The following PI4KA variants were observed in gnomAD, a reference collection of about 807,000 sequenced individuals.
PI4KA encodes the protein PI4-kinase alpha.
A neutral mutation model predicts 271.4 loss-of-function variants in PI4KA; 122 were observed. The ratio of observed to expected loss-of-function variants is 0.45; its 90% CI spans 0.39 to 0.52. PI4KA has a LOEUF of 0.52. Ranked by LOEUF, PI4KA falls within the 20% of genes least tolerant of loss-of-function variation. The probability of loss-of-function intolerance (pLI) is 0.00; values close to 1 mark genes in which losing one functional copy is unlikely to be tolerated. For missense variants in PI4KA, 1,969 were observed against 2,769.1 expected, an observed-to-expected ratio of 0.71 and a Z score of 6.48; for synonymous variants, 1,041 against 1,078.8, an observed-to-expected ratio of 0.96 and a Z score of 0.69.
At chr22:20,716,880 C>G (rs973581080) in intron 45 of PI4KA, among the ~76,000 whole-genome samples, 12 of 152,088 alleles carry the variant, frequency 7.9e-5, no homozygotes, top group Non-Finnish European at 1.3e-4. Flanking sequence ...GGGCACTCCA[C>G]AGCTGAGACC....
intron 2 of PI4KA, among the ~76,000 whole-genome samples, chr22:20,837,875 T>G (rs2147774415): frequency 6.6e-6 from 1 of 152,160 alleles, no homozygotes; most frequent in Middle Eastern, 3.4e-3. Flanking sequence ...TCCTAACACT[T>G]TGGGAGGCAG....
rs145214464 is a variant in PI4KA, at chr22:20,799,174, T to C, written c.1923A>G (p.Leu641=). The change falls in exon 16 of 55, where the codon CTA becomes CTG. Residue 641 remains leucine (L), a synonymous_variant. Coordinates refer to ENST00000255882, the MANE Select transcript of PI4KA (RefSeq NM_058004.4). The part of the protein sequence containing the change: ...PKVMEPILQI[L]QQKFCQPPSP... Reference sequence around the variant, plus strand: ...AGGGTGGCTGGCAGAATTTCTGCTGTAGGATCTGCAGAATGGGCTCCATGA... The same window carrying C: ...AGGGTGGCTGGCAGAATTTCTGCTGCAGGATCTGCAGAATGGGCTCCATGA... 4.3e-6 allele frequency: 7 copies of C among 1,609,372 alleles called. No homozygotes were observed. The African/African-American group carries it at 9.4e-5, about 22-fold the overall frequency.
chr22:20,747,832 T>C, intron 28 of PI4KA, 130 bp from the exon 29 acceptor site: 1 of 817,676 alleles, frequency 1.2e-6, no homozygotes. Context: ...CCTCTTAGAC[T>C]CAAGCCATCC....
chr22:20,853,277 G>A (rs975321452), intron 1 of PI4KA, among the ~76,000 whole-genome samples: 1 of 152,072 alleles, frequency 6.6e-6, no homozygotes, highest in Non-Finnish European at 1.5e-5. Context: ...AGGATCGAGG[G>A]CCCACTGGTT....
intron 42 of PI4KA, chr22:20,725,442 G>GT (rs1187257167): frequency 2.5e-6 from 1 of 394,990 alleles, no homozygotes; most frequent in Non-Finnish European, 5.3e-6. Flanking sequence ...GAATGGTACT[G>GT]TATTTGGAGA....
At chr22:20,769,947 G>A (rs963220367) in intron 19 of PI4KA, among the ~76,000 whole-genome samples, 2 of 152,322 alleles carry the variant, frequency 1.3e-5, no homozygotes, top group Admixed American at 6.5e-5. Flanking sequence ...GGGCAGAAGT[G>A]AGTGATGTCT....
intron 2 of PI4KA, among the ~76,000 whole-genome samples, chr22:20,837,779 T>G (rs996037633): frequency 1.7e-4 from 26 of 152,296 alleles, no homozygotes; most frequent in African/African-American, 6.3e-4. Context: ...ATTTTTTTGT[T>G]GGAGCTACAG....
intron 19 of PI4KA, chr22:20,780,081 G>A: frequency 6.2e-7 from 1 of 1,614,114 alleles, no homozygotes; most frequent in African/African-American, 1.3e-5. Context: ...CTCAGACCCT[G>A]CCTTCATATC....
rs753885175 is a variant in PI4KA at position 20,810,959 on chromosome 22, C to T, written c.1071+8G>A. On this transcript the variant is annotated splice_region_variant and intron_variant, in intron 9 of 54. Coordinates refer to ENST00000255882, the MANE Select transcript of PI4KA (RefSeq NM_058004.4). The stretch of plus-strand genomic sequence containing the variant: ...GATCTCATGGTAATGCCCTCAGAAG[C>T]GACATACCTCCATCACACTGGCTAC... 38 of 1,606,306 alleles carry T rather than the reference C, an allele frequency of 2.4e-5. No homozygotes were observed. In the Admixed American group the frequency reaches 3.7e-4, roughly 16 times the overall value.
chr22:20,783,915 G>A (rs1933996360), intron 19 of PI4KA: 2 of 1,610,028 alleles, frequency 1.2e-6, no homozygotes, highest in African/African-American at 1.3e-5. Context: ...TCTCAAGGGT[G>A]AGACGATTTC....
At chr22:20,811,869 C>A (rs754959674) in intron 8 of PI4KA, among the ~76,000 whole-genome samples, 7 of 151,700 alleles carry the variant, frequency 4.6e-5, no homozygotes, top group Non-Finnish European at 7.4e-5. Context: ...AAAACTTAGC[C>A]GGGCGTGGTG....
chr22:20,856,295 G>C (rs1927589165), intron 1 of PI4KA, among the ~76,000 whole-genome samples: 2 of 151,966 alleles, frequency 1.3e-5, no homozygotes, highest in Non-Finnish European at 2.9e-5. Context: ...CTGGGCAACA[G>C]AGCGAGACTC....
At chr22:20,853,164 T>C (rs761353521) in intron 1 of PI4KA, among the ~76,000 whole-genome samples, 9 of 152,066 alleles carry the variant, frequency 5.9e-5, no homozygotes, top group East Asian at 5.8e-4. Flanking sequence ...TTTTAGGACA[T>C]GGAAAAAGGG....
rs1167578234 is a variant in PI4KA at position 20,747,581 on chromosome 22, A to G, written c.3363+2T>C. 1 of 1,613,724 alleles carries G rather than the reference A, an allele frequency of 6.2e-7. No homozygotes were observed. Among genetic ancestry groups the G allele is most frequent in the Non-Finnish European group, 8.5e-7 (1 of 1,179,900 alleles). ...ACTGCTCTTCAGAAGGCTCGCACAT[A>G]CCCCAAGAGTTGTGTTCTGCTTGTT... On this transcript the variant is annotated splice_donor_variant, in intron 29 of 54. Coordinates refer to ENST00000255882, the MANE Select transcript of PI4KA (RefSeq NM_058004.4). LOFTEE classifies it high-confidence loss of function.
At chr22:20,761,220 T>C (rs760125854) in intron 23 of PI4KA, 84 bp downstream of exon 23, 2 of 791,044 alleles carry the variant, frequency 2.5e-6, no homozygotes, top group East Asian at 2.4e-5. Context: ...ATTTTCTACA[T>C]GTAGACAGAA....
rs1440800073 is a variant in PI4KA, at chr22:20,848,472, A to ATT, written c.157-9742_157-9741insAA. 4.7e-4 allele frequency among the ~76,000 whole-genome samples: 72 copies of ATT among 152,326 alleles called. 1 individual carries two copies. In the East Asian group the frequency reaches 0.012, roughly 26 times the overall value. On this transcript the variant is annotated intron_variant, in intron 1 of 54. Transcript: ENST00000255882. ...ATTTCAAAACTTACTACAAAGCTAA[A>ATT]GTAATCAAGACAGTATACTAGCCAA...
intron 23 of PI4KA, among the ~76,000 whole-genome samples, chr22:20,757,216 C>G (rs1172842954): frequency 6.6e-6 from 1 of 152,194 alleles, no homozygotes; most frequent in Non-Finnish European, 1.5e-5. Flanking sequence ...ACATTTCCTT[C>G]TTATCTTTCA....
chr22:20,787,081 G>A (rs927921468), intron 19 of PI4KA: 2 of 1,610,658 alleles, frequency 1.2e-6, no homozygotes, highest in Non-Finnish European at 1.7e-6. Flanking sequence ...GGAGGTCTAG[G>A]TGTCTGAAGT....
intron 7 of PI4KA, among the ~76,000 whole-genome samples, chr22:20,816,846 T>A (rs1229124608): frequency 6.6e-6 from 1 of 152,154 alleles, no homozygotes; most frequent in Non-Finnish European, 1.5e-5. Flanking sequence ...ATCTGCCACT[T>A]ACTGGATGTG....
Sources: allele counts gnomAD v4.1 joint callset (sites outside exome capture counted in the v4.1 genomes callset), GRCh38; gene constraint gnomAD v4.1.1; transcripts MANE v1.5; gene names NCBI Gene and HGNC (gene_info 2026-07-23, HGNC 2026-07-21).